INPP4A: variants seen among roughly 807,000 people sequenced by gnomAD.
The protein encoded by INPP4A is inositol polyphosphate-4-phosphatase, type I, 107kD.
In INPP4A, 33 loss-of-function variants were observed where a neutral mutation model predicts 119.8. The observed-to-expected ratio is 0.28, with a 90% CI of 0.21 to 0.37. INPP4A has a LOEUF of 0.37. INPP4A is among the 10% of genes least tolerant of loss of function. The pLI is 1.00. For missense variants in INPP4A, 956 were observed against 1,289.9 expected (o/e 0.74, Z 3.97); for synonymous variants, 496 against 500.7 (o/e 0.99, Z 0.12).
intron 4 of INPP4A, among the ~76,000 whole-genome samples, chr2:98,524,400 G>A (rs1308025341): frequency 1.3e-5 from 2 of 152,174 alleles, no homozygotes; most frequent in Admixed American, 6.5e-5. Flanking sequence ...CTTAATGGAA[G>A]CTATGGAACT....
chr2:98,576,126 G>A (rs1035752529), intron 23 of INPP4A, among the ~76,000 whole-genome samples: 43 of 152,356 alleles, frequency 2.8e-4, no homozygotes, highest in Middle Eastern at 6.8e-3. Flanking sequence ...AAGATTGCAA[G>A]TAGTCTTATA....
intron 24 of INPP4A, among the ~76,000 whole-genome samples, chr2:98,581,059 G>C (rs985567180): frequency 6.6e-6 from 1 of 152,218 alleles, no homozygotes; most frequent in Non-Finnish European, 1.5e-5. Context: ...TGAGGTAAAT[G>C]GTTTTTGTTT....
At position 98,589,625 on chromosome 2, in the gene INPP4A, A is replaced by C. The variant is rs1421262700; in HGVS notation, c.*2017A>C. 2.2e-5 allele frequency: 4 copies of C among 179,064 alleles called. No individual in the cohort carries two copies. Among genetic ancestry groups the C allele is most frequent in the Non-Finnish European group, 4.8e-5 (4 of 83,552 alleles). The allele number at this position is 179,064 out of a possible 1,614,324, so 11.1% of individuals were successfully genotyped here. ...TAAGACTTGGCAAATGCTATAGAAA[A>C]GGTTCAGGTTTCAGTATTCTCTCTG... On this transcript the variant is annotated 3_prime_UTR_variant, in exon 25 of 25. Coordinates refer to ENST00000409851, the MANE Select transcript of INPP4A (RefSeq NM_001134225.2).
In INPP4A at chr2:98,516,187, C is replaced by T. The variant is rs547900653; in HGVS notation, c.-165-2777C>T. Among the ~76,000 whole-genome samples the T allele has an allele frequency of 3.3e-5, 5 of 152,246 alleles. No individual in the cohort carries two copies. The South Asian group carries it at 1.0e-3, about 32-fold the overall frequency. On this transcript the variant is annotated intron_variant, in intron 1 of 24. Coordinates refer to ENST00000409851, the MANE Select transcript of INPP4A (RefSeq NM_001134225.2). ...GGTGAATTACCTTATATTAATGAGA[C>T]CAAGAAGAGAAATCGAGTTCAGCTG...
chr2:98,520,285 G>C, intron 3 of INPP4A, 131 bp downstream of exon 3: 2 of 714,678 alleles, frequency 2.8e-6, no homozygotes, highest in Admixed American at 5.8e-5. Context: ...CCCTGGTTTG[G>C]CATCCTTCTG....
chr2:98,522,114 C>T (rs760896162), intron 4 of INPP4A, among the ~76,000 whole-genome samples: 11 of 151,450 alleles, frequency 7.3e-5, no homozygotes, highest in Admixed American at 2.0e-4. Context: ...ATGGTGAAAC[C>T]CTGTGTCTAC....
intron 1 of INPP4A, among the ~76,000 whole-genome samples, chr2:98,449,793 C>G (rs1179033698): frequency 1.3e-5 from 2 of 152,196 alleles, no homozygotes; most frequent in Admixed American, 1.3e-4. Context: ...TTCCATTAGG[C>G]TTTGAAACTG....
chr2:98,493,672 C>T (rs1681324412), intron 1 of INPP4A, among the ~76,000 whole-genome samples: 1 of 152,066 alleles, frequency 6.6e-6, no homozygotes, highest in Non-Finnish European at 1.5e-5. Flanking sequence ...GCTGGGATTA[C>T]AGCCTCAGCC....
At chr2:98,525,060 G>T (rs578037743) in intron 4 of INPP4A, among the ~76,000 whole-genome samples, 3 of 152,332 alleles carry the variant, frequency 2.0e-5, no homozygotes, top group East Asian at 1.9e-4. Flanking sequence ...TATTTAGAAG[G>T]CCTCTGGGGC....
intron 1 of INPP4A, among the ~76,000 whole-genome samples, chr2:98,498,298 TCTG>T (rs1682443393): frequency 1.3e-5 from 2 of 151,936 alleles, no homozygotes; most frequent in South Asian, 4.1e-4. Context: ...TCTCATGAGA[TCTG>T]ATGGTTTGAT....
chr2:98,525,825 A>G (rs1423344015), intron 4 of INPP4A, among the ~76,000 whole-genome samples: 1 of 152,228 alleles, frequency 6.6e-6, no homozygotes, highest in Non-Finnish European at 1.5e-5. Context: ...AATTAACAAC[A>G]ACAACAACAA....
At chr2:98,547,089 G>T (rs1430598622) in intron 13 of INPP4A, among the ~76,000 whole-genome samples, 1 of 152,220 alleles carries the variant, frequency 6.6e-6, no homozygotes, top group Non-Finnish European at 1.5e-5. Flanking sequence ...CCCAGTTTTT[G>T]AAACATTCAG....
intron 1 of INPP4A, among the ~76,000 whole-genome samples, chr2:98,517,767 AGTC>A (rs939830122): frequency 6.6e-6 from 1 of 152,242 alleles, no homozygotes; most frequent in African/African-American, 2.4e-5. Context: ...TTTACCCAGT[AGTC>A]TTTTCCATGT....
At chr2:98,514,066 C>G (rs1685638736) in intron 1 of INPP4A, among the ~76,000 whole-genome samples, 1 of 152,210 alleles carries the variant, frequency 6.6e-6, no homozygotes, top group African/African-American at 2.4e-5. Context: ...TGGTCTGGAA[C>G]ACTGTGGTAG....
chr2:98,515,516 G>A (rs1279249024), intron 1 of INPP4A, among the ~76,000 whole-genome samples: 1 of 152,134 alleles, frequency 6.6e-6, no homozygotes, highest in Non-Finnish European at 1.5e-5. Flanking sequence ...TTTTCTTTGG[G>A]TTGATAACGA....
chr2:98,477,924 C>T (rs1236622398), intron 1 of INPP4A, among the ~76,000 whole-genome samples: 4 of 152,196 alleles, frequency 2.6e-5, no homozygotes, highest in African/African-American at 4.8e-5. Context: ...CACCAGCAGC[C>T]GTGCTAGCTC....
At chr2:98,498,384 T>A (rs1030212576) in intron 1 of INPP4A, among the ~76,000 whole-genome samples, 1 of 152,112 alleles carries the variant, frequency 6.6e-6, no homozygotes, top group Non-Finnish European at 1.5e-5. Context: ...TTTTGCCTTC[T>A]GCTATGATTG....
At chr2:98,476,556 C>CT (rs1229585966) in intron 1 of INPP4A, among the ~76,000 whole-genome samples, 1 of 152,144 alleles carries the variant, frequency 6.6e-6, no homozygotes, top group East Asian at 1.9e-4. Context: ...GGACCCAGCC[C>CT]TGGGGTGTGT....
chr2:98,510,745 C>CTGTA lies in INPP4A; in HGVS notation c.-165-8218_-165-8215dup, dbSNP rs372641967. On this transcript the variant is annotated intron_variant, in intron 1 of 24. Transcript: ENST00000409851. ...AGGAATTCTGGGGGACACATTCAGA[C>CTGTA]TGTAGCACAGTGACTGACTCCCTCC... 3.2e-3 allele frequency among the ~76,000 whole-genome samples: 486 copies of CTGTA among 152,356 alleles called. 5 individuals are homozygous for CTGTA. Among genetic ancestry groups the CTGTA allele is most frequent in the African/African-American group, 0.011 (461 of 41,566 alleles).
Sources: gnomAD v4.1 joint callset for allele counts (sites outside exome capture counted in the v4.1 genomes callset) on GRCh38, gnomAD v4.1.1 for gene constraint, MANE v1.5 for transcripts, NCBI Gene and HGNC (gene_info 2026-07-23, HGNC 2026-07-21) for gene names.